Variants in PPP1R12B observed in about 807,000 individuals in gnomAD.
PPP1R12B encodes myosin phosphatase target subunit 2.
In PPP1R12B, 76 loss-of-function variants were observed where a neutral mutation model predicts 126.1. That is an observed-to-expected ratio of 0.60 (90% CI 0.50 to 0.73). PPP1R12B has a LOEUF of 0.73. Among genes scored for constraint, PPP1R12B ranks in the 30% least tolerant of loss-of-function variants. The pLI is 0.00. For synonymous variants in PPP1R12B, 356 were observed against 434.7 expected (o/e 0.82, Z 2.25); for missense variants, 1,052 against 1,205.1 (o/e 0.87, Z 1.88).
chr1:202,438,217 A>G lies in PPP1R12B; in HGVS notation c.1458+193A>G, dbSNP rs757656646. On this transcript the variant is annotated intron_variant, in intron 10 of 23. Transcript: ENST00000608999. ...CTTGCTATTGTTTGCTTGACCAAAAAAGAAAATAAAAAAGCTTTAAAAATA... is the reference window on the plus strand; with the variant it reads ...CTTGCTATTGTTTGCTTGACCAAAAGAGAAAATAAAAAAGCTTTAAAAATA... The G allele has an allele frequency of 1.9e-6, 3 of 1,567,494 alleles. No individual in the cohort carries two copies. The Admixed American group carries it at 5.4e-5, about 28-fold the overall frequency.
At chr1:202,401,607 T>TA (rs1418456127) in intron 1 of PPP1R12B, among the ~76,000 whole-genome samples, 1 of 152,174 alleles carries the variant, frequency 6.6e-6, no homozygotes, top group Non-Finnish European at 1.5e-5. Context: ...TGGACTTATG[T>TA]ACTAGTTATC....
At position 202,389,032 on chromosome 1, in the gene PPP1R12B, T is replaced by G. The variant is rs181969829; in HGVS notation, c.292-27755T>G. Among the ~76,000 whole-genome samples the G allele has an allele frequency of 2.0e-3, 305 of 152,232 alleles. 1 individual carries two copies. The highest frequency in any genetic ancestry group is 6.9e-3 in the African/African-American group (288 of 41,530). ...ATGGTGACATTTCAAATTAATGGGG[T>G]AAAAATTGTGTTAGGAAAGTTGGCT... On this transcript the variant is annotated intron_variant, in intron 1 of 23. Coordinates refer to ENST00000608999, the MANE Select transcript of PPP1R12B (RefSeq NM_002481.4).
intron 23 of PPP1R12B, 51 bp downstream of exon 23, chr1:202,569,248 C>T: frequency 6.4e-7 from 1 of 1,554,728 alleles, no homozygotes; most frequent in Non-Finnish European, 8.9e-7. Flanking sequence ...GAATGCCTGC[C>T]AAGACTGGAT....
intron 18 of PPP1R12B, among the ~76,000 whole-genome samples, chr1:202,557,654 T>A (rs1687097534): frequency 2.0e-5 from 3 of 152,174 alleles, no homozygotes; most frequent in African/African-American, 2.4e-5. Flanking sequence ...GGGTACTTTT[T>A]AAAAATACAT....
chr1:202,488,685 CA>C, intron 14 of PPP1R12B, 62 bp downstream of exon 14: 1 of 1,334,522 alleles, frequency 7.5e-7, no homozygotes, highest in East Asian at 2.4e-5. Context: ...GAGGTACAAT[CA>C]AAACACACTG....
chr1:202,548,760 C>A (rs1002972118), intron 18 of PPP1R12B, among the ~76,000 whole-genome samples: 1 of 145,324 alleles, frequency 6.9e-6, no homozygotes, highest in South Asian at 2.3e-4. Context: ...ATCATGCGCT[C>A]GCTCACTCGC....
intron 1 of PPP1R12B, among the ~76,000 whole-genome samples, chr1:202,354,544 G>C (rs964787140): frequency 6.6e-6 from 1 of 152,142 alleles, no homozygotes; most frequent in Non-Finnish European, 1.5e-5. Context: ...TTCCAGCCTG[G>C]ATGACAGAGT....
chr1:202,558,350 C>T (rs1687176729), intron 18 of PPP1R12B, among the ~76,000 whole-genome samples: 1 of 151,826 alleles, frequency 6.6e-6, no homozygotes, highest in East Asian at 1.9e-4. Context: ...AGTTTCTCCC[C>T]TCTCCCTTAC....
Position 202,356,669 on chromosome 1 carries a change from G to A in PPP1R12B, c.291+7527G>A, listed in dbSNP as rs182620519. On this transcript the variant is annotated intron_variant, in intron 1 of 23. Coordinates refer to ENST00000608999, the MANE Select transcript of PPP1R12B (RefSeq NM_002481.4). ...GTGATGAAGGAAGCAAGAGATTGCA[G>A]GGATTCCAGGAAGGTTCTGTGAGCC... is the stretch of plus-strand genomic sequence containing the variant. Among the ~76,000 whole-genome samples the A allele has an allele frequency of 7.4e-4, 112 of 152,234 alleles. 1 individual carries two copies. The highest frequency in any genetic ancestry group is 2.2e-3 in the Admixed American group (34 of 15,282).
Position 202,391,169 on chromosome 1 carries a change from ATAAATAACT to A in PPP1R12B, c.292-25614_292-25606del, listed in dbSNP as rs1218528811. Among the ~76,000 whole-genome samples, 6 of 152,206 alleles carry A rather than the reference ATAAATAACT, an allele frequency of 3.9e-5. No homozygotes were observed. In the East Asian group the frequency reaches 9.6e-4, roughly 24 times the overall value. On this transcript the variant is annotated intron_variant, in intron 1 of 23. Transcript: ENST00000608999. ...AATATATAAAGAACTTTAATAATAA[ATAAATAACT>A]TAATAATAAGAAAAAATATCTCAAT...
chr1:202,561,205 A>G (rs1468894048), intron 19 of PPP1R12B, among the ~76,000 whole-genome samples: 3 of 152,124 alleles, frequency 2.0e-5, no homozygotes, highest in Admixed American at 6.5e-5. Context: ...TGACAGATAC[A>G]TATTTCTGTC....
At chr1:202,539,478 C>T (rs1481304318) in intron 18 of PPP1R12B, among the ~76,000 whole-genome samples, 7 of 152,152 alleles carry the variant, frequency 4.6e-5, no homozygotes, top group Admixed American at 1.3e-4. Context: ...AAAGCAGCTT[C>T]GTCTGGGAGG....
chr1:202,505,884 G>A (rs1305105740), intron 18 of PPP1R12B, among the ~76,000 whole-genome samples: 1 of 151,756 alleles, frequency 6.6e-6, no homozygotes, highest in Non-Finnish European at 1.5e-5. Flanking sequence ...AAGATAGCTC[G>A]TCCCCAGAAT....
chr1:202,384,816 G>A (rs1662871487), intron 1 of PPP1R12B, among the ~76,000 whole-genome samples: 3 of 152,140 alleles, frequency 2.0e-5, no homozygotes, highest in African/African-American at 4.8e-5. Context: ...AATTTTCCTA[G>A]GGTTTATGTG....
At chr1:202,440,258 TTGGTTGAATTAACTC>T (rs1357207822) in intron 10 of PPP1R12B, among the ~76,000 whole-genome samples, 3 of 152,206 alleles carry the variant, frequency 2.0e-5, no homozygotes, top group African/African-American at 7.2e-5. Flanking sequence ...ATGAGGCATA[TTGGTTGAATTAACTC>T]TGCAGCATAC....
At chr1:202,517,801 T>A (rs1238186218) in intron 18 of PPP1R12B, among the ~76,000 whole-genome samples, 1 of 152,064 alleles carries the variant, frequency 6.6e-6, no homozygotes, top group Non-Finnish European at 1.5e-5. Context: ...AATTTTGGTA[T>A]TTTCGGTAGA....
Position 202,441,100 on chromosome 1 carries a change from A to T in PPP1R12B, c.1541+312A>T, listed in dbSNP as rs1671550476. Among the ~76,000 whole-genome samples, 3 of 152,152 alleles carry T rather than the reference A, an allele frequency of 2.0e-5. No individual in the cohort carries two copies. In the South Asian group the frequency reaches 6.2e-4, roughly 31 times the overall value. ...AGGGTCTGAGTCTGTCTGGTTTCTT[A>T]AGGACCCCTAGTTCCTAGCACAGTG... On this transcript the variant is annotated intron_variant, in intron 11 of 23. Transcript: ENST00000608999.
intron 13 of PPP1R12B, among the ~76,000 whole-genome samples, chr1:202,475,014 T>C (rs1676456718): frequency 6.6e-6 from 1 of 152,198 alleles, no homozygotes; most frequent in Non-Finnish European, 1.5e-5. Context: ...GGTTTAAAGC[T>C]AAATGGGATC....
At chr1:202,436,933 T>C (rs966694539) in intron 9 of PPP1R12B, among the ~76,000 whole-genome samples, 1 of 152,098 alleles carries the variant, frequency 6.6e-6, no homozygotes, top group African/African-American at 2.4e-5. Flanking sequence ...CTAGATCAAA[T>C]AAATTTTCTT....
Sources: gnomAD v4.1 joint callset for allele counts (sites outside exome capture counted in the v4.1 genomes callset) on GRCh38, gnomAD v4.1.1 for gene constraint, MANE v1.5 for transcripts, NCBI Gene and HGNC (gene_info 2026-07-23, HGNC 2026-07-21) for gene names.